NPIPA7: variants seen among roughly 807,000 people sequenced by gnomAD.
NPIPA7 encodes nuclear pore complex interacting protein family member A7.
rs1381724036 is a variant in NPIPA7, at chr16:16,386,700, G to A, written c.193-699G>A. ...CTTGACCTTGTGATTCACCCGCCTCGGCCTCCCAAAGTGCTGGGATTACAG... is the reference window on the plus strand; with the variant it reads ...CTTGACCTTGTGATTCACCCGCCTCAGCCTCCCAAAGTGCTGGGATTACAG... On this transcript the variant is annotated intron_variant, in intron 2 of 7. Coordinates refer to ENST00000530217, the Ensembl canonical transcript of NPIPA7. 2.2e-3 allele frequency among the ~76,000 whole-genome samples: 280 copies of A among 129,512 alleles called. 2 individuals carry two copies. Among genetic ancestry groups the A allele is most frequent in the African/African-American group, 7.4e-3 (263 of 35,772 alleles). 85.0% of individuals were successfully genotyped at this position (129,512 alleles called of 152,430 possible).
At chr16:16,386,568 G>A (rs984082821) in intron 2 of NPIPA7, among the ~76,000 whole-genome samples, 1 of 100,366 alleles carries the variant, frequency 1.0e-5, no homozygotes, top group Non-Finnish European at 2.1e-5. Context: ...TCCTGCCTCA[G>A]CCTCCCGAGT....
At chr16:16,390,720 C>A in intron 4 of NPIPA7, 47 bp from the exon 5 acceptor site, 1 of 1,318,628 alleles carries the variant, frequency 7.6e-7, no homozygotes, top group Non-Finnish European at 1.0e-6. Flanking sequence ...CAGAGGGAAT[C>A]CCACACGGGC....
intron 4 of NPIPA7, among the ~76,000 whole-genome samples, chr16:16,388,378 A>T (rs2141301805): frequency 1.2e-4 from 1 of 8,162 alleles, no homozygotes; most frequent in African/African-American, 6.1e-4. Flanking sequence ...TTTAATTTTG[A>T]GATAGAGTCT....
intron 4 of NPIPA7, among the ~76,000 whole-genome samples, chr16:16,388,052 T>C (rs1225898655): frequency 9.3e-5 from 2 of 21,394 alleles, no homozygotes; most frequent in Non-Finnish European, 1.9e-4. Context: ...TTTCTCTCTC[T>C]TTTTTTTTTT....
chr16:16,386,748 TA>T (rs2050147768), intron 2 of NPIPA7, among the ~76,000 whole-genome samples: 1 of 132,404 alleles, frequency 7.6e-6, no homozygotes, highest in African/African-American at 2.8e-5. Context: ...GCACCTGGCC[TA>T]TTTTTTTTTT....
intron 2 of NPIPA7, among the ~76,000 whole-genome samples, chr16:16,386,971 A>C (rs1596857431): frequency 1.5e-5 from 2 of 135,570 alleles, no homozygotes. Context: ...CTGGTCTCAA[A>C]CTCCCGACCT....
chr16:16,386,641 G>C (rs1207319535), intron 2 of NPIPA7, among the ~76,000 whole-genome samples: 1 of 116,246 alleles, frequency 8.6e-6, no homozygotes, highest in South Asian at 3.1e-4. Context: ...GTAGAGACGG[G>C]GTTTCACCAT....
Position 16,387,043 on chromosome 16 carries a change from C to T in NPIPA7, c.193-356C>T, listed in dbSNP as rs1369088336. On this transcript the variant is annotated intron_variant, in intron 2 of 7. Coordinates refer to ENST00000530217, the Ensembl canonical transcript of NPIPA7. ...GGATTACAGGAGTGAGCCACCCTGC[C>T]AGCCTCATGTCATTCTTTGTGTGTG... Among the ~76,000 whole-genome samples, 8 of 136,080 alleles carry T rather than the reference C, an allele frequency of 5.9e-5. 1 individual carries two copies. In the Admixed American group the frequency reaches 6.2e-4, roughly 11 times the overall value. The allele number at this position is 136,080 out of a possible 152,430, so 89.3% of individuals were successfully genotyped here.
At chr16:16,386,328 A>G (rs1438144109) in intron 2 of NPIPA7, among the ~76,000 whole-genome samples, 4 of 142,316 alleles carry the variant, frequency 2.8e-5, no homozygotes, top group African/African-American at 1.1e-4. Flanking sequence ...AGCTGAAGGT[A>G]ATTACTTCCT....
At chr16:16,386,765 T>C (rs1205360305) in intron 2 of NPIPA7, among the ~76,000 whole-genome samples, 1 of 134,762 alleles carries the variant, frequency 7.4e-6, no homozygotes, top group East Asian at 2.1e-4. Flanking sequence ...TTTTTTTTTT[T>C]TGAGACAGAG....
chr16:16,387,068 G>GTT (rs1015120509), intron 2 of NPIPA7, among the ~76,000 whole-genome samples: 1 of 123,038 alleles, frequency 8.1e-6, no homozygotes, highest in African/African-American at 2.9e-5. Context: ...CTTTGTGTGT[G>GTT]TGTGTGTGTG....
chr16:16,386,466 TTTG>T (rs1398659401), intron 2 of NPIPA7, among the ~76,000 whole-genome samples: 2 of 71,978 alleles, frequency 2.8e-5, no homozygotes, highest in African/African-American at 1.0e-4. Flanking sequence ...TTTTTTTTTT[TTTG>T]AGACAGAGTC....
At chr16:16,388,518 G>T (rs1596863682) in intron 4 of NPIPA7, among the ~76,000 whole-genome samples, 1 of 52,774 alleles carries the variant, frequency 1.9e-5, no homozygotes, top group African/African-American at 7.7e-5. Flanking sequence ...GCCACATTCG[G>T]CCAATTTTTT....
intron 1 of NPIPA7, among the ~76,000 whole-genome samples, chr16:16,382,218 A>G (rs893728153): frequency 1.3e-5 from 1 of 76,346 alleles, no homozygotes; most frequent in Admixed American, 1.3e-4. Context: ...TAATAAATGC[A>G]TCCAATGTTA....
At chr16:16,386,873 G>A (rs867368586) in intron 2 of NPIPA7, among the ~76,000 whole-genome samples, 13 of 128,054 alleles carry the variant, frequency 1.0e-4, no homozygotes, top group African/African-American at 3.0e-4. Flanking sequence ...CCTCAGCCTC[G>A]CGACTAGCTG....
chr16:16,386,937 C>A (rs1279049794), intron 2 of NPIPA7, among the ~76,000 whole-genome samples: 1 of 142,802 alleles, frequency 7.0e-6, no homozygotes, highest in Non-Finnish European at 1.6e-5. Context: ...TTAGCAGAGA[C>A]AGCGTTTCTC....
chr16:16,390,514 AAAG>A (rs1161281464), intron 4 of NPIPA7, among the ~76,000 whole-genome samples: 1 of 50,016 alleles, frequency 2.0e-5, no homozygotes, highest in African/African-American at 4.3e-5. Flanking sequence ...TATATTTACT[AAAG>A]AATAGGACTA....
intron 2 of NPIPA7, among the ~76,000 whole-genome samples, chr16:16,385,980 A>T (rs1321366722): frequency 2.5e-4 from 5 of 19,766 alleles, no homozygotes; most frequent in African/African-American, 1.2e-3. Flanking sequence ...GTTGAGTGAC[A>T]CTCCGTCTCA....
rs1039544956 is a variant in NPIPA7 at position 16,388,089 on chromosome 16, C to G, written c.437+283C>G. On this transcript the variant is annotated intron_variant, in intron 4 of 7. Transcript: ENST00000530217. ...TTTTTTCCTGAGATGGGGCTTTGCT[C>G]TTGTTGCCCAGGCTGCAGTTCAATG... Among the ~76,000 whole-genome samples, 10 of 35,954 alleles carry G rather than the reference C, an allele frequency of 2.8e-4. 1 individual carries two copies. The East Asian group carries it at 0.013, about 45-fold the overall frequency. The allele number at this position is 35,954 out of a possible 152,430, so 23.6% of individuals were successfully genotyped here.
Sources: allele counts gnomAD v4.1 joint callset (sites outside exome capture counted in the v4.1 genomes callset), GRCh38; gene constraint gnomAD v4.1.1; transcripts MANE v1.5; gene names NCBI Gene and HGNC (gene_info 2026-07-23, HGNC 2026-07-21).